The following BRWD1 variants were observed in gnomAD, a reference collection of about 807,000 sequenced individuals.
The protein encoded by BRWD1 is bromodomain and WD repeat-containing protein 1.
Under a neutral mutation model 251.2 loss-of-function variants are expected in BRWD1, and 82 were observed. The observed-to-expected ratio is 0.33, with a 90% CI of 0.27 to 0.39. The LOEUF is 0.39. Ranked by LOEUF, BRWD1 falls within the 10% of genes least tolerant of loss-of-function variation. BRWD1 has a pLI of 1.00. For missense variants in BRWD1, 2,233 were observed against 2,711.6 expected (o/e 0.82, Z 3.92); for synonymous variants, 918 against 902.8 (o/e 1.02, Z -0.30).
rs547211335 is a variant in BRWD1, at chr21:39,254,244, G to A, written c.2255+1401C>T. 2.2e-3 allele frequency among the ~76,000 whole-genome samples: 338 copies of A among 152,306 alleles called. 3 individuals carry two copies. Among genetic ancestry groups the A allele is most frequent in the Middle Eastern group, 6.8e-3 (2 of 294 alleles). On this transcript the variant is annotated intron_variant, in intron 19 of 40. Coordinates refer to ENST00000342449, the MANE Select transcript of BRWD1 (RefSeq NM_033656.4). ...CGTGCCATTGCACTCCAGCCTGGAC[G>A]AGAGCAAAACTCTGTCTCAAAAAAA...
intron 28 of BRWD1, 45 bp from the exon 29 acceptor site, chr21:39,224,514 A>C (rs1202256118): frequency 1.6e-6 from 2 of 1,284,546 alleles, no homozygotes; most frequent in Non-Finnish European, 2.2e-6. Context: ...CATAAAAACA[A>C]AATGTGGATA....
intron 23 of BRWD1, among the ~76,000 whole-genome samples, chr21:39,235,211 T>C (rs2033767169): frequency 6.6e-6 from 1 of 152,036 alleles, no homozygotes; most frequent in Non-Finnish European, 1.5e-5. Flanking sequence ...ATTGCACCAC[T>C]GCACTCCAGG....
chr21:39,275,562 A>G (rs770569192), intron 12 of BRWD1, among the ~76,000 whole-genome samples: 1 of 152,190 alleles, frequency 6.6e-6, no homozygotes, highest in Non-Finnish European at 1.5e-5. Context: ...AGTTAATTAT[A>G]TATTATTTCA....
At chr21:39,295,628 CTACT>C in intron 7 of BRWD1, 111 bp downstream of exon 7, 2 of 796,450 alleles carry the variant, frequency 2.5e-6, no homozygotes, top group Non-Finnish European at 3.7e-6. Context: ...CACACCATAC[CTACT>C]GAGTCAAAAT....
intron 23 of BRWD1, 81 bp from the exon 24 acceptor site, chr21:39,232,579 TCA>T: frequency 2.0e-6 from 3 of 1,495,204 alleles, no homozygotes; most frequent in Non-Finnish European, 2.7e-6. Context: ...AAAGAAACTT[TCA>T]CCATTCAGAA....
At chr21:39,232,130 A>C (rs1277525636) in intron 25 of BRWD1, 47 bp downstream of exon 25, 1 of 1,333,552 alleles carries the variant, frequency 7.5e-7, no homozygotes. Context: ...TAATTTAACT[A>C]TGTATGTGCT....
At chr21:39,289,942 G>A (rs563995569) in intron 8 of BRWD1, among the ~76,000 whole-genome samples, 10 of 150,350 alleles carry the variant, frequency 6.7e-5, no homozygotes, top group East Asian at 2.0e-4. Flanking sequence ...GGAGAATGGC[G>A]TGAACCCGGG....
At chr21:39,185,140 T>C (rs1015441760), downstream of BRWD1, 2 of 151,984 alleles carry the variant, frequency 1.3e-5, no homozygotes, top group African/African-American at 4.8e-5. Context: ...CCAAGCACTT[T>C]TTAAAAAGGC....
At chr21:39,275,340 A>G (rs1330649624) in intron 12 of BRWD1, among the ~76,000 whole-genome samples, 1 of 152,144 alleles carries the variant, frequency 6.6e-6, no homozygotes, top group East Asian at 1.9e-4. Flanking sequence ...TTTTTTAACT[A>G]CCCAAACAAG....
chr21:39,318,157 G>A (rs1189443786), upstream of BRWD1, among the ~76,000 whole-genome samples: 1 of 151,974 alleles, frequency 6.6e-6, no homozygotes, highest in Non-Finnish European at 1.5e-5. Context: ...AATTCAGTAA[G>A]GCCTTCCAAA....
intron 30 of BRWD1, 50 bp downstream of exon 30, chr21:39,218,455 T>G (rs760273259): frequency 1.3e-6 from 2 of 1,498,460 alleles, no homozygotes; most frequent in Non-Finnish European, 1.8e-6. Context: ...AATACCTTTA[T>G]GAAAAAAATT....
intron 37 of BRWD1, among the ~76,000 whole-genome samples, chr21:39,204,711 C>G (rs2032306225): frequency 6.6e-6 from 1 of 152,132 alleles, no homozygotes; most frequent in South Asian, 2.1e-4. Flanking sequence ...GGGACTGGGG[C>G]CAGTGAGTGG....
chr21:39,286,852 T>C (rs1395756869), intron 8 of BRWD1, among the ~76,000 whole-genome samples: 2 of 152,140 alleles, frequency 1.3e-5, no homozygotes, highest in East Asian at 3.8e-4. Context: ...AAATGAACAG[T>C]TGTAGTAATA....
At chr21:39,308,415 G>A (rs1321393341) in intron 4 of BRWD1, among the ~76,000 whole-genome samples, 1 of 147,922 alleles carries the variant, frequency 6.8e-6, no homozygotes, top group Non-Finnish European at 1.5e-5. Flanking sequence ...CTGTGAGGCA[G>A]AGGTTGCAGT....
At chr21:39,259,248 T>C (rs2034661956) in intron 17 of BRWD1, among the ~76,000 whole-genome samples, 1 of 152,166 alleles carries the variant, frequency 6.6e-6, no homozygotes, top group East Asian at 1.9e-4. Context: ...ATTACTCTCT[T>C]AGATATGTTT....
Position 39,196,312 on chromosome 21 carries a change from C to G in BRWD1, c.6757G>C (p.Asp2253His). 6.2e-7 allele frequency: 1 copy of G among 1,611,768 alleles called. No homozygotes were observed. The highest frequency in any genetic ancestry group is 8.5e-7 in the Non-Finnish European group (1 of 1,179,098). Residue 2253 changes from aspartate (D) to histidine (H), a missense_variant, in exon 41 of 41, where the codon GAT (aspartate) becomes CAT (histidine). By Grantham distance (81) the Asp-to-His change is moderately conservative. Transcript: ENST00000342449. ...GRRTVRYHDG[D>H]DDRSLENVLD... The stretch of plus-strand genomic sequence containing the variant: ...ACATTTTCTAAACTTCTGTCATCAT[C>G]CCCATCATGGTATCTCACAGTCCTT...
chr21:39,250,648 A>T (rs2146610597), intron 20 of BRWD1, 148 bp downstream of exon 20: 1 of 553,102 alleles, frequency 1.8e-6, no homozygotes, highest in Middle Eastern at 5.0e-4. Context: ...TATAACCTTA[A>T]GTCTACTATT....
chr21:39,199,601 A>G lies in BRWD1; in HGVS notation c.4815T>C (p.Ser1605=), dbSNP rs775544448. The G allele has an allele frequency of 1.3e-5, 21 of 1,613,670 alleles. No homozygotes were observed. Among genetic ancestry groups the G allele is most frequent in the Non-Finnish European group, 1.8e-5 (21 of 1,179,900 alleles). The change falls in exon 40 of 41, where the codon AGT becomes AGC. Residue 1605 remains serine (S), a synonymous_variant. Coordinates refer to ENST00000342449, the MANE Select transcript of BRWD1 (RefSeq NM_033656.4). ...RKATRKRVYL[S]DSDNNSLETG... is the part of the protein sequence containing the mutation. ...TCTCCAATGAATTGTTATCAGAATC[A>G]CTTAAATAGACTCTCTTTCGAGTGG...
Position 39,193,444 on chromosome 21 carries a change from T to TA in BRWD1, c.*2814dup. 1.0e-6 allele frequency: 1 copy of TA among 984,820 alleles called. No individual in the cohort carries two copies. Among genetic ancestry groups the TA allele is most frequent in the Non-Finnish European group, 1.2e-6 (1 of 829,414 alleles). 61.0% of individuals were successfully genotyped at this position (984,820 alleles called of 1,614,324 possible). A position where few individuals can be genotyped will look rare whatever the true frequency, so the allele number is the denominator to read the frequency against. ...AGGACACGAAAAAAGAAAGCTTTGT[T>TA]AACACTCATCTATCTTGTCAATGTT... On this transcript the variant is annotated 3_prime_UTR_variant, in exon 41 of 41. Coordinates refer to ENST00000342449, the MANE Select transcript of BRWD1 (RefSeq NM_033656.4).
Sources: gnomAD v4.1 joint callset for allele counts (sites outside exome capture counted in the v4.1 genomes callset) on GRCh38, gnomAD v4.1.1 for gene constraint, MANE v1.5 for transcripts, NCBI Gene and HGNC (gene_info 2026-07-23, HGNC 2026-07-21) for gene names.